The following SMOX variants were observed in gnomAD, a reference collection of about 807,000 sequenced individuals.
SMOX encodes flavin containing amine oxidase.
SMOX carries 22 observed loss-of-function variants against 51.0 expected under a neutral mutation model. The ratio of observed to expected loss-of-function variants is 0.43; its 90% CI spans 0.31 to 0.62. The LOEUF is 0.62. SMOX is among the 20% of genes least tolerant of loss of function. The pLI, the probability that SMOX is intolerant of heterozygous loss-of-function variation, is 0.10. For synonymous variants in SMOX, 282 were observed against 307.8 expected (o/e 0.92, Z 0.88); for missense variants, 566 against 777.7 (o/e 0.73, Z 3.24).
chr20:4,177,682 A>T lies in SMOX; in HGVS notation c.435+105A>T, dbSNP rs1489941235. On this transcript the variant is annotated intron_variant, in intron 3 of 6. Transcript: ENST00000305958. The surrounding 1 kb of genome is among the most constrained non-coding windows in gnomAD (Gnocchi z 4.3). Reference sequence around the variant, plus strand: ...ACTCCCTGGGCCTTGCATTTGGAAAACCAGGATAATGTGAGGGTAAAATGA... The same window carrying T: ...ACTCCCTGGGCCTTGCATTTGGAAATCCAGGATAATGTGAGGGTAAAATGA... The T allele has an allele frequency of 6.7e-6, 7 of 1,048,568 alleles. No individual in the cohort carries two copies. The highest frequency in any genetic ancestry group is 3.2e-5 in the African/African-American group (2 of 63,116). The allele number at this position is 1,048,568 out of a possible 1,614,324, so 65.0% of individuals were successfully genotyped here. A position where few individuals can be genotyped will look rare whatever the true frequency, so the allele number is the denominator to read the frequency against.
chr20:4,154,213 G>C (rs537107907), intron 1 of SMOX, among the ~76,000 whole-genome samples: 1 of 152,110 alleles, frequency 6.6e-6, no homozygotes, highest in Non-Finnish European at 1.5e-5. Context: ...GCCTTTGAAG[G>C]TTATAGGGCA....
At chr20:4,161,784 C>T (rs1021133904) in intron 1 of SMOX, among the ~76,000 whole-genome samples, 4 of 152,208 alleles carry the variant, frequency 2.6e-5, no homozygotes, top group South Asian at 2.1e-4. Flanking sequence ...CCCAGTGCCT[C>T]GGACAGTGCC....
intron 3 of SMOX, among the ~76,000 whole-genome samples, chr20:4,180,524 T>G (rs1979241976): frequency 6.6e-6 from 1 of 152,200 alleles, no homozygotes; most frequent in Non-Finnish European, 1.5e-5. Context: ...ATGACAGCTG[T>G]GGGCATGTGA....
intron 1 of SMOX, among the ~76,000 whole-genome samples, chr20:4,168,055 A>G (rs1474849736): frequency 7.1e-6 from 1 of 140,910 alleles, no homozygotes; most frequent in African/African-American, 2.6e-5. Flanking sequence ...GTGCCCCTGG[A>G]GCAGCTCCCC....
chr20:4,166,293 T>C lies in SMOX; in HGVS notation c.-26-8737T>C, dbSNP rs905811738. On this transcript the variant is annotated intron_variant, in intron 1 of 6. Transcript: ENST00000305958. The surrounding 1 kb of genome is among the most constrained non-coding windows in gnomAD (Gnocchi z 4.2). ...TCTGGCCCATCTCTACCTGTGTCTC[T>C]CTCTGATACTGTCATCAAGGCCCTC... Among the ~76,000 whole-genome samples, 2 of 152,184 alleles carry C rather than the reference T, an allele frequency of 1.3e-5. No homozygotes were observed. The highest frequency in any genetic ancestry group is 2.9e-5 in the Non-Finnish European group (2 of 68,016).
intron 1 of SMOX, among the ~76,000 whole-genome samples, chr20:4,157,845 T>C (rs12625534): frequency 0.48 from 72,492 of 151,572 alleles, 18,126 homozygotes; most frequent in African/African-American, 0.62. Flanking sequence ...CTTTCCTCTG[T>C]GGTGTGAGGC....
At chr20:4,160,992 G>T (rs1300591550) in intron 1 of SMOX, among the ~76,000 whole-genome samples, 1 of 152,240 alleles carries the variant, frequency 6.6e-6, no homozygotes, top group African/African-American at 2.4e-5. Flanking sequence ...GTCACGAGGG[G>T]CCGCTGAGGG....
chr20:4,185,431 G>A (rs987937145), intron 6 of SMOX, among the ~76,000 whole-genome samples: 6 of 151,686 alleles, frequency 4.0e-5, no homozygotes, highest in African/African-American at 4.9e-5. Flanking sequence ...CCAACATGGC[G>A]AAACCCTGTC....
intron 1 of SMOX, among the ~76,000 whole-genome samples, chr20:4,163,756 G>T (rs145236931): frequency 6.6e-6 from 1 of 152,172 alleles, no homozygotes; most frequent in African/African-American, 2.4e-5. Context: ...TGATGGGAGG[G>T]CTCAGTTCCG....
chr20:4,185,967 G>T (rs1979701125), intron 6 of SMOX, among the ~76,000 whole-genome samples: 1 of 151,980 alleles, frequency 6.6e-6, no homozygotes, highest in Admixed American at 6.6e-5. Context: ...TAAATAAAAA[G>T]AAATGCAGAC....
intron 1 of SMOX, among the ~76,000 whole-genome samples, chr20:4,155,035 G>A (rs1985943220): frequency 6.6e-6 from 1 of 152,132 alleles, no homozygotes; most frequent in Non-Finnish European, 1.5e-5. Flanking sequence ...AAGACCACGA[G>A]GGGGTATCTT....
intron 3 of SMOX, among the ~76,000 whole-genome samples, chr20:4,180,305 G>T (rs4815662): frequency 0.25 from 38,752 of 152,168 alleles, 6,551 homozygotes; most frequent in Non-Finnish European, 0.37. Context: ...GAGTGAGATG[G>T]TGGTGGTGGC....
chr20:4,173,193 C>T (rs1051339323), intron 1 of SMOX, among the ~76,000 whole-genome samples: 1 of 152,192 alleles, frequency 6.6e-6, no homozygotes, highest in Non-Finnish European at 1.5e-5. Context: ...GATATTTATT[C>T]CGTCTACCCC....
At position 4,182,869 on chromosome 20, in the gene SMOX, C is replaced by G. The variant is rs748267427; in HGVS notation, c.1369+21C>G. On this transcript the variant is annotated intron_variant, in intron 5 of 6. Coordinates refer to ENST00000305958, the MANE Select transcript of SMOX (RefSeq NM_175839.3). The surrounding 1 kb of genome is among the most constrained non-coding windows in gnomAD (Gnocchi z 8.4). Reference sequence around the variant, plus strand: ...CACAGGTGCGCCACGTGCCCCACGACCCGCTTCCCCCACCCTGCTTCTTCC... The same window carrying G: ...CACAGGTGCGCCACGTGCCCCACGAGCCGCTTCCCCCACCCTGCTTCTTCC... 6.3e-7 allele frequency: 1 copy of G among 1,587,610 alleles called. No individual in the cohort carries two copies. Among genetic ancestry groups the G allele is most frequent in the Admixed American group, 1.7e-5 (1 of 59,508 alleles).
At chr20:4,156,630 C>G (rs1224455267) in intron 1 of SMOX, among the ~76,000 whole-genome samples, 3 of 152,188 alleles carry the variant, frequency 2.0e-5, no homozygotes, top group African/African-American at 7.2e-5. Context: ...GGGCCGAGAG[C>G]CAGCCCTGGG....
At position 4,153,495 on chromosome 20, in the gene SMOX, C is replaced by T. The variant is rs199969498; in HGVS notation, c.-27+4518C>T. Among the ~76,000 whole-genome samples, 18 of 152,154 alleles carry T rather than the reference C, an allele frequency of 1.2e-4. No homozygotes were observed. The highest frequency in any genetic ancestry group is 2.0e-4 in the Admixed American group (3 of 15,286). On this transcript the variant is annotated intron_variant, in intron 1 of 6. Coordinates refer to ENST00000305958, the MANE Select transcript of SMOX (RefSeq NM_175839.3). This position sits in a 1 kb window ranked among gnomAD's most constrained non-coding sequence, Gnocchi z 4.4. ...CCCTGGGAGGCTTTCCTGTTTGGCA[C>T]GAGGATGACTCTAGGCAGGTGACCT...
At position 4,182,000 on chromosome 20, in the gene SMOX, G is replaced by A; in HGVS notation, c.609+24G>A. 2 of 1,611,602 alleles carry A rather than the reference G, an allele frequency of 1.2e-6. No homozygotes were observed. Among genetic ancestry groups the A allele is most frequent in the Non-Finnish European group, 1.7e-6 (2 of 1,178,570 alleles). On this transcript the variant is annotated intron_variant, in intron 4 of 6. Transcript: ENST00000305958. This position sits in a 1 kb window ranked among gnomAD's most constrained non-coding sequence, Gnocchi z 5.6. The stretch of plus-strand genomic sequence containing the variant: ...AGGTATCTTGAGGAAGACGGATTCT[G>A]GGGGCGTCTGGGTCTGAGGAGGGCT...
rs1985629658 is a variant in SMOX, at chr20:4,149,630, G to A, written c.-27+653G>A. On this transcript the variant is annotated intron_variant, in intron 1 of 6. Coordinates refer to ENST00000305958, the MANE Select transcript of SMOX (RefSeq NM_175839.3). The surrounding 1 kb of genome is among the most constrained non-coding windows in gnomAD (Gnocchi z 6.0). Reference sequence around the variant, plus strand: ...GCAAAGGGTTCGGGTGTGTTGGAGGGCTCACTTTGTGGGAGGGGCTGAGGG... The same window carrying A: ...GCAAAGGGTTCGGGTGTGTTGGAGGACTCACTTTGTGGGAGGGGCTGAGGG... Among the ~76,000 whole-genome samples the A allele has an allele frequency of 6.6e-6, 1 of 152,182 alleles. No individual in the cohort carries two copies. The highest frequency in any genetic ancestry group is 2.1e-4 in the South Asian group (1 of 4,834).
rs765245090 is a variant in SMOX at position 4,183,665 on chromosome 20, C to T, written c.1530+11C>T. The T allele has an allele frequency of 9.7e-6, 15 of 1,554,046 alleles. No individual in the cohort carries two copies. In the South Asian group the frequency reaches 1.2e-4, roughly 13 times the overall value. On this transcript the variant is annotated intron_variant, in intron 6 of 6. Transcript: ENST00000305958. This position sits in a 1 kb window ranked among gnomAD's most constrained non-coding sequence, Gnocchi z 4.3. ...AGCTCAAAGACAGCGGTAAGCGGGG[C>T]GTTTGGGGTGAGGAGGGGAGTTGTG...
Sources: allele counts gnomAD v4.1 joint callset (sites outside exome capture counted in the v4.1 genomes callset), GRCh38; gene constraint gnomAD v4.1.1; non-coding constraint Gnocchi (gnomAD v3.1); transcripts MANE v1.5; gene names NCBI Gene and HGNC (gene_info 2026-07-23, HGNC 2026-07-21).